Variants in PDE8A observed in about 807,000 individuals in gnomAD.
PDE8A encodes the protein phosphodiesterase 8A, also known as high affinity cAMP-specific and IBMX-insensitive 3',5'-cyclic phosphodiesterase 8A.
In PDE8A, 59 loss-of-function variants were observed where a neutral mutation model predicts 105.0. The ratio of observed to expected loss-of-function variants is 0.56; its 90% CI spans 0.46 to 0.70. PDE8A has a LOEUF of 0.70. PDE8A is among the 30% of genes least tolerant of loss of function. The probability of loss-of-function intolerance (pLI) is 0.00; values close to 1 mark genes in which losing one functional copy is unlikely to be tolerated. For missense variants in PDE8A, 1,014 were observed against 1,045.9 expected, an observed-to-expected ratio of 0.97 and a Z score of 0.42; for synonymous variants, 355 against 371.9, an observed-to-expected ratio of 0.95 and a Z score of 0.52.
At chr15:85,127,730 C>G (rs187306116) in intron 20 of PDE8A, among the ~76,000 whole-genome samples, 1 of 152,124 alleles carries the variant, frequency 6.6e-6, no homozygotes, top group African/African-American at 2.4e-5. Flanking sequence ...TCAGTGTTAA[C>G]ATTCACTTCT....
At chr15:85,046,950 A>G (rs1044132768) in intron 1 of PDE8A, among the ~76,000 whole-genome samples, 1 of 152,226 alleles carries the variant, frequency 6.6e-6, no homozygotes, top group Admixed American at 6.5e-5. Flanking sequence ...AATCAACACC[A>G]TCATATTGTC....
intron 6 of PDE8A, among the ~76,000 whole-genome samples, chr15:85,087,474 A>G (rs1378326586): frequency 6.6e-6 from 1 of 152,342 alleles, no homozygotes; most frequent in Non-Finnish European, 1.5e-5. Context: ...TGCTGGCATT[A>G]CAGGTGTGAT....
chr15:85,125,881 G>A (rs960025941), intron 19 of PDE8A, among the ~76,000 whole-genome samples: 3 of 152,020 alleles, frequency 2.0e-5, no homozygotes, highest in African/African-American at 7.3e-5. Context: ...GAGAGAGAGA[G>A]TGGAACAGAA....
intron 8 of PDE8A, among the ~76,000 whole-genome samples, chr15:85,096,879 C>T (rs908893821): frequency 1.3e-5 from 2 of 152,160 alleles, no homozygotes; most frequent in South Asian, 2.1e-4. Context: ...TCGGAGTATT[C>T]TGGTTTCTTT....
intron 1 of PDE8A, among the ~76,000 whole-genome samples, chr15:85,052,572 A>C: frequency 6.6e-6 from 1 of 152,196 alleles, no homozygotes; most frequent in Admixed American, 6.5e-5. Context: ...TCTGACGGCC[A>C]GTGATGATGA....
At chr15:85,072,500 A>G (rs575982721) in intron 3 of PDE8A, among the ~76,000 whole-genome samples, 2 of 152,316 alleles carry the variant, frequency 1.3e-5, no homozygotes, top group East Asian at 1.9e-4. Context: ...CAATGGACCT[A>G]TCATGTGTAT....
chr15:85,022,541 T>A (rs546673124), intron 1 of PDE8A, among the ~76,000 whole-genome samples: 11 of 7,396 alleles, frequency 1.5e-3, no homozygotes, highest in Middle Eastern at 0.056. Context: ...ATATGCAAAA[T>A]TTTTTTTTTT....
intron 14 of PDE8A, 162 bp from the exon 15 acceptor site, chr15:85,115,277 A>G (rs1172228468): frequency 1.7e-6 from 1 of 580,714 alleles, no homozygotes; most frequent in Non-Finnish European, 3.0e-6. Flanking sequence ...GACTGAGGTC[A>G]GTGGTCAATC....
chr15:85,120,011 A>G (rs1596538489), intron 17 of PDE8A, among the ~76,000 whole-genome samples: 2 of 152,104 alleles, frequency 1.3e-5, no homozygotes, highest in South Asian at 4.1e-4. Flanking sequence ...TAGTTAAGAT[A>G]TAAAGACACA....
intron 1 of PDE8A, among the ~76,000 whole-genome samples, chr15:85,025,817 T>C (rs1231120099): frequency 6.6e-6 from 1 of 152,174 alleles, no homozygotes; most frequent in Non-Finnish European, 1.5e-5. Flanking sequence ...CAGGAACACC[T>C]TGAGACTCGG....
chr15:85,006,646 T>A (rs2080152825), intron 1 of PDE8A, among the ~76,000 whole-genome samples: 1 of 152,236 alleles, frequency 6.6e-6, no homozygotes, highest in Non-Finnish European at 1.5e-5. Flanking sequence ...TCTTCTTGTG[T>A]AGATTTTTTA....
chr15:84,990,368 T>G (rs1350603096), intron 1 of PDE8A, among the ~76,000 whole-genome samples: 1 of 152,098 alleles, frequency 6.6e-6, no homozygotes, highest in Non-Finnish European at 1.5e-5. Context: ...CCCCCAAAAG[T>G]TCTATTGTGC....
Position 85,117,846 on chromosome 15 carries a change from T to C in PDE8A, c.1734+7T>C, listed in dbSNP as rs1371607977. On this transcript the variant is annotated splice_region_variant and intron_variant, in intron 17 of 21. Coordinates refer to ENST00000394553, the MANE Select transcript of PDE8A (RefSeq NM_002605.3). ...CTCCAAGGAGAGGATAAAGGTGAGC[T>C]GTTGTTTACCTGCCACATTTAATGG... The C allele has an allele frequency of 1.2e-6, 2 of 1,606,280 alleles. No individual in the cohort carries two copies. Among genetic ancestry groups the C allele is most frequent in the East Asian group, 2.2e-5 (1 of 44,836 alleles).
chr15:85,069,817 C>T (rs2081285341), intron 3 of PDE8A, among the ~76,000 whole-genome samples: 1 of 152,192 alleles, frequency 6.6e-6, no homozygotes, highest in Non-Finnish European at 1.5e-5. Context: ...TTCTCACAAG[C>T]TGTTTTCTAC....
At chr15:85,050,024 G>A (rs2080947851) in intron 1 of PDE8A, among the ~76,000 whole-genome samples, 1 of 152,092 alleles carries the variant, frequency 6.6e-6, no homozygotes, top group Non-Finnish European at 1.5e-5. Flanking sequence ...GTGAGGTGGT[G>A]TCTCATTGTG....
chr15:85,040,232 C>G (rs922414325), intron 1 of PDE8A, among the ~76,000 whole-genome samples: 1 of 151,944 alleles, frequency 6.6e-6, no homozygotes, highest in Non-Finnish European at 1.5e-5. Context: ...CACTTGAGCC[C>G]AGGAGTTCCA....
In PDE8A at chr15:85,113,893, T is replaced by G. The variant is rs149076423; in HGVS notation, c.1206T>G (p.Ala402=). Residue 402 remains alanine (A), a synonymous_variant, in exon 14 of 22, where the codon GCT becomes GCG. Transcript: ENST00000394553. ...PITKVINIIN[A]AQESSPMPVT... ...TGTAGGTAATCAATATTATCAATGC[T>G]GCCCAGGAAAGTAGTCCCATGCCTG... 118 of 1,612,620 alleles carry G rather than the reference T, an allele frequency of 7.3e-5. No homozygotes were observed. The highest frequency in any genetic ancestry group is 9.5e-5 in the Non-Finnish European group (112 of 1,179,150).
At chr15:84,988,438 T>C (rs1026648924) in intron 1 of PDE8A, among the ~76,000 whole-genome samples, 17 of 152,206 alleles carry the variant, frequency 1.1e-4, no homozygotes, top group Non-Finnish European at 2.1e-4. Flanking sequence ...GTTGAAGTCA[T>C]CTTCAGCCCT....
At chr15:85,137,254 G>GGAGAAGGA (rs2082425667) in intron 21 of PDE8A, among the ~76,000 whole-genome samples, 1 of 152,216 alleles carries the variant, frequency 6.6e-6, no homozygotes, top group African/African-American at 2.4e-5. Context: ...AGGCGGCTGG[G>GGAGAAGGA]GAGAAGGACT....
Sources: allele counts gnomAD v4.1 joint callset (sites outside exome capture counted in the v4.1 genomes callset), GRCh38; gene constraint gnomAD v4.1.1; transcripts MANE v1.5; gene names NCBI Gene and HGNC (gene_info 2026-07-23, HGNC 2026-07-21).